STIL: variants seen among roughly 807,000 people sequenced by gnomAD.
The protein encoded by STIL is SCL-interrupting locus protein.
Under a neutral mutation model 110.1 loss-of-function variants are expected in STIL, and 55 were observed. The observed-to-expected ratio is 0.50, with a 90% CI of 0.40 to 0.63. The LOEUF (loss-of-function observed/expected upper bound fraction) is 0.63, where lower values mean the gene tolerates loss of function less well. STIL is among the 20% of genes least tolerant of loss of function. The pLI, the probability that STIL is intolerant of heterozygous loss-of-function variation, is 0.00. For synonymous variants in STIL, 481 were observed against 530.0 expected, an observed-to-expected ratio of 0.91 and a Z score of 1.27; for missense variants, 1,358 against 1,530.0, an observed-to-expected ratio of 0.89 and a Z score of 1.87.
In STIL at chr1:47,286,716, GAGAA is replaced by G. The variant is rs543327145; in HGVS notation, c.1133+831_1133+834del. Among the ~76,000 whole-genome samples, 384 of 152,020 alleles carry G rather than the reference GAGAA, an allele frequency of 2.5e-3. 2 individuals are homozygous for G. Among genetic ancestry groups the G allele is most frequent in the African/African-American group, 8.6e-3 (355 of 41,454 alleles). ...CTCAAAGAAAAAAAAGAAAAGTTCT[GAGAA>G]AGAAAGAATATTAGCTGTTTCAAAT... is the stretch of plus-strand genomic sequence containing the variant. On this transcript the variant is annotated intron_variant, in intron 10 of 16. Coordinates refer to ENST00000371877, the MANE Select transcript of STIL (RefSeq NM_001048166.1).
intron 2 of STIL, chr1:47,305,284 C>T: frequency 3.3e-6 from 1 of 299,012 alleles, no homozygotes; most frequent in East Asian, 8.6e-5. Context: ...CACCACCACA[C>T]CCGGCTACTT....
intron 16 of STIL, among the ~76,000 whole-genome samples, chr1:47,259,011 C>CAT (rs1644401680): frequency 9.8e-6 from 1 of 101,566 alleles, no homozygotes; most frequent in Non-Finnish European, 1.8e-5. Context: ...TTTTTTGAGA[C>CAT]AGTCTTGCTT....
intron 10 of STIL, among the ~76,000 whole-genome samples, chr1:47,287,325 A>G (rs1046248296): frequency 1.3e-5 from 2 of 152,230 alleles, no homozygotes; most frequent in South Asian, 4.1e-4. Context: ...TTTTTCCTGT[A>G]TAATACATCA....
Position 47,262,251 on chromosome 1 carries a change from G to A in STIL, c.2829+652C>T, listed in dbSNP as rs138852181. Among the ~76,000 whole-genome samples, 881 of 152,254 alleles carry A rather than the reference G, an allele frequency of 5.8e-3. 8 individuals carry two copies. Among genetic ancestry groups the A allele is most frequent in the African/African-American group, 0.02 (828 of 41,542 alleles). ...CTTCTCGCAAATGGACAAATCAAAT[G>A]TTCTACAATTTGGATGAAAGTGACA... On this transcript the variant is annotated intron_variant, in intron 15 of 16. Coordinates refer to ENST00000371877, the MANE Select transcript of STIL (RefSeq NM_001048166.1).
chr1:47,297,343 C>CAAA (rs34222408), intron 6 of STIL, among the ~76,000 whole-genome samples: 1 of 143,448 alleles, frequency 7.0e-6, no homozygotes, highest in Non-Finnish European at 1.5e-5. Context: ...GACTCCATCT[C>CAAA]AAAAAAAAAA....
chr1:47,287,184 GA>G (rs1194832254), intron 10 of STIL, among the ~76,000 whole-genome samples: 1 of 152,004 alleles, frequency 6.6e-6, no homozygotes, highest in Non-Finnish European at 1.5e-5. Flanking sequence ...CCAATACAGC[GA>G]GACCCCACCT....
intron 16 of STIL, among the ~76,000 whole-genome samples, chr1:47,253,432 T>A (rs1644243003): frequency 6.6e-6 from 1 of 152,176 alleles, no homozygotes; most frequent in African/African-American, 2.4e-5. Flanking sequence ...CACTGCAGTA[T>A]CCTCGATGCC....
At chr1:47,279,727 C>CAAAAAAAAAAAA (rs11371469) in intron 12 of STIL, among the ~76,000 whole-genome samples, 13 of 82,814 alleles carry the variant, frequency 1.6e-4, no homozygotes, top group African/African-American at 4.1e-4. Context: ...GACTCCGTCT[C>CAAAAAAAAAAAA]AAAAAAAAAA....
chr1:47,308,735 C>A (rs1027590175), intron 2 of STIL, among the ~76,000 whole-genome samples: 1 of 151,608 alleles, frequency 6.6e-6, no homozygotes, highest in African/African-American at 2.4e-5. Flanking sequence ...TCAATAACAA[C>A]TTAAAAGTAA....
In STIL at chr1:47,314,094, G is replaced by A. The variant is rs985147238; in HGVS notation, c.-102C>T. ...GGTAGGAGCGGGAGCCGGCTCCAAGGAGCGCCACCGCCGACTCCGGCCCCG... is the reference window on the plus strand; with the variant it reads ...GGTAGGAGCGGGAGCCGGCTCCAAGAAGCGCCACCGCCGACTCCGGCCCCG... On this transcript the variant is annotated 5_prime_UTR_variant, in exon 1 of 17. Coordinates refer to ENST00000371877, the MANE Select transcript of STIL (RefSeq NM_001048166.1). 13 of 152,290 alleles carry A rather than the reference G, an allele frequency of 8.5e-5. No individual in the cohort carries two copies. Among genetic ancestry groups the A allele is most frequent in the African/African-American group, 2.7e-4 (11 of 41,476 alleles). 9.4% of individuals were successfully genotyped at this position (152,290 alleles called of 1,614,324 possible).
At chr1:47,263,742 A>C (rs1644549279) in intron 14 of STIL, among the ~76,000 whole-genome samples, 1 of 94,342 alleles carries the variant, frequency 1.1e-5, no homozygotes, top group Non-Finnish European at 2.3e-5. Flanking sequence ...TGTTCATTCC[A>C]AGTTTTTTTT....
chr1:47,293,315 T>C (rs1245447693), intron 8 of STIL, 143 bp downstream of exon 8: 1 of 628,788 alleles, frequency 1.6e-6, no homozygotes, highest in African/African-American at 1.9e-5. Context: ...TCATTTAATA[T>C]AAGGTTTGTT....
chr1:47,284,394 T>C (rs1012715789), intron 10 of STIL, among the ~76,000 whole-genome samples: 1 of 152,140 alleles, frequency 6.6e-6, no homozygotes, highest in Non-Finnish European at 1.5e-5. Context: ...TTCACTCTAT[T>C]ACTTAGGCTA....
intron 2 of STIL, 75 bp from the exon 3 acceptor site, chr1:47,305,071 C>A (rs1479591088): frequency 1.0e-6 from 1 of 992,992 alleles, no homozygotes; most frequent in African/African-American, 1.6e-5. Context: ...AAACAACTAA[C>A]TATCTTTAAG....
intron 12 of STIL, among the ~76,000 whole-genome samples, chr1:47,279,290 A>G (rs1047444864): frequency 6.7e-6 from 1 of 149,806 alleles, no homozygotes; most frequent in African/African-American, 2.5e-5. Context: ...CTCAAAAAAA[A>G]AAAAAAAAAA....
chr1:47,287,724 A>G, intron 9 of STIL, 64 bp from the exon 10 acceptor site: 9 of 1,298,414 alleles, frequency 6.9e-6, no homozygotes, highest in Admixed American at 5.3e-5. Context: ...AATTCTATTT[A>G]GATGAAAAGT....
intron 16 of STIL, among the ~76,000 whole-genome samples, chr1:47,255,126 T>TAA (rs767722109): frequency 1.4e-5 from 2 of 146,906 alleles, no homozygotes; most frequent in Non-Finnish European, 1.5e-5. Context: ...ACCACATCAC[T>TAA]AAAAAAAAAA....
Position 47,310,485 on chromosome 1 carries a change from A to G in STIL, c.-43-123T>C, listed in dbSNP as rs185503730. On this transcript the variant is annotated intron_variant, in intron 1 of 16. Coordinates refer to ENST00000371877, the MANE Select transcript of STIL (RefSeq NM_001048166.1). ...TTATATGAAGTGTGACTATAGATTA[A>G]TAAGATTAAATGCTTGTAGATTCTG... 5.1e-5 allele frequency: 30 copies of G among 589,738 alleles called. No individual in the cohort carries two copies. In the Admixed American group the frequency reaches 5.2e-4, roughly 10 times the overall value. 36.5% of individuals were successfully genotyped at this position (589,738 alleles called of 1,614,324 possible).
intron 12 of STIL, among the ~76,000 whole-genome samples, chr1:47,275,836 T>G (rs1413584387): frequency 6.6e-6 from 1 of 152,150 alleles, no homozygotes; most frequent in East Asian, 1.9e-4. Context: ...TATGTTGCCC[T>G]GGCTGGTCTC....
Sources: gnomAD v4.1 joint callset for allele counts (sites outside exome capture counted in the v4.1 genomes callset) on GRCh38, gnomAD v4.1.1 for gene constraint, MANE v1.5 for transcripts, NCBI Gene and HGNC (gene_info 2026-07-23, HGNC 2026-07-21) for gene names.